Variants in TTLL10 observed in about 807,000 individuals in gnomAD.
The protein encoded by TTLL10 is tubulin tyrosine ligase like 10.
Under a neutral mutation model 69.0 loss-of-function variants are expected in TTLL10, and 61 were observed. That is an observed-to-expected ratio of 0.88 (90% CI 0.72 to 1.09). The LOEUF is 1.09. Ranked by LOEUF, TTLL10 falls within the 50% of genes least tolerant of loss-of-function variation. The pLI, the probability that TTLL10 is intolerant of heterozygous loss-of-function variation, is 0.00. For missense variants in TTLL10, 962 were observed against 945.9 expected (o/e 1.02, Z -0.22); for synonymous variants, 408 against 393.3 (o/e 1.04, Z -0.44).
At chr1:1,186,854 T>G (rs1647366569) in intron 13 of TTLL10, among the ~76,000 whole-genome samples, 1 of 151,210 alleles carries the variant, frequency 6.6e-6, no homozygotes, top group East Asian at 1.9e-4. Context: ...TTTTTTGTTT[T>G]TTTTTTTTTG....
At chr1:1,180,457 G>GCCCCCCCCCCC in intron 6 of TTLL10, 26 bp from the exon 7 acceptor site, 2 of 1,520,740 alleles carry the variant, frequency 1.3e-6, no homozygotes, top group Non-Finnish European at 1.8e-6. Context: ...CGGCCCCCAG[G>GCCCCCCCCCCC]TCACCCCCGC....
Position 1,180,292 on chromosome 1 carries a change from C to G in TTLL10, c.458C>G (p.Thr153Ser), listed in dbSNP as rs551760005. The G allele has an allele frequency of 4.4e-6, 7 of 1,590,928 alleles. No homozygotes were observed. In the East Asian group the frequency reaches 1.6e-4, roughly 36 times the overall value. The change falls in exon 6 of 16, where the codon ACC (threonine) becomes AGC (serine). Residue 153 changes from threonine to serine, a missense_variant. Coordinates refer to ENST00000379289, the MANE Select transcript of TTLL10 (RefSeq NM_001130045.2). ...LGGGKPSPHS[T>S]RPGPFFYIGG... The stretch of plus-strand genomic sequence containing the variant: ...GGTGGGAAGCCATCGCCCCACAGCA[C>G]CCGGCCGGGGCCCTTCTTCTACATT...
rs1648281242 is a variant in TTLL10, at chr1:1,197,176, C to T, written c.1602C>T (p.Ile534=). 1.3e-6 allele frequency: 2 copies of T among 1,550,066 alleles called. No homozygotes were observed. The highest frequency in any genetic ancestry group is 2.4e-5 in the East Asian group (1 of 40,910). The stretch of plus-strand genomic sequence containing the variant: ...AGGAGGTCATCCCAGGTGTGGTCAT[C>T]GAGACCCTGGGTGAGCCTCCAAGCC... ...VLKEVIPGVV[I]ETLDLVLETF... Residue 534 remains isoleucine (I), a synonymous_variant, in exon 15 of 16, where the codon ATC becomes ATT. Coordinates refer to ENST00000379289, the MANE Select transcript of TTLL10 (RefSeq NM_001130045.2).
rs1647057608 is a variant in TTLL10, at chr1:1,181,188, C to T, written c.755+328C>T. Among the ~76,000 whole-genome samples the T allele has an allele frequency of 6.6e-6, 1 of 151,766 alleles. No homozygotes were observed. The highest frequency in any genetic ancestry group is 1.5e-5 in the Non-Finnish European group (1 of 67,946). On this transcript the variant is annotated intron_variant, in intron 8 of 15. Coordinates refer to ENST00000379289, the MANE Select transcript of TTLL10 (RefSeq NM_001130045.2). This position sits in a 1 kb window ranked among gnomAD's most constrained non-coding sequence, Gnocchi z 4.6. ...GGGGAAGATCCCACACGTCCCCAACCCACTGGGCCTGACACCCACCCACCT... is the reference window on the plus strand; with the variant it reads ...GGGGAAGATCCCACACGTCCCCAACTCACTGGGCCTGACACCCACCCACCT...
Position 1,197,798 on chromosome 1 carries a change from CG to C in TTLL10, c.1977del (p.Thr660GlnfsTer?). 1 of 1,526,688 alleles carries C rather than the reference CG, an allele frequency of 6.6e-7. No individual in the cohort carries two copies. Among genetic ancestry groups the C allele is most frequent in the Non-Finnish European group, 8.8e-7 (1 of 1,138,258 alleles). 94.6% of individuals were successfully genotyped at this position (1,526,688 alleles called of 1,614,324 possible). A position where few individuals can be genotyped will look rare whatever the true frequency, so the allele number is the denominator to read the frequency against. Reference sequence around the variant, plus strand: ...AGGCACCCGGCGCAAGAGCCTTCCCCGGGGACAGCCAAGGAGGAACGCGAGG... The same window carrying C: ...AGGCACCCGGCGCAAGAGCCTTCCCCGGGACAGCCAAGGAGGAACGCGAGG... ...GNRHPAQEPS[P>X]GTAKEEREEP... On this transcript the variant is annotated frameshift_variant, in exon 16 of 16. Coordinates refer to ENST00000379289, the MANE Select transcript of TTLL10 (RefSeq NM_001130045.2). LOFTEE classifies it high-confidence loss of function.
At chr1:1,195,796 C>A (rs751449212) in intron 13 of TTLL10, among the ~76,000 whole-genome samples, 1 of 151,928 alleles carries the variant, frequency 6.6e-6, no homozygotes, top group African/African-American at 2.4e-5. Context: ...TACACCACCA[C>A]GCTTAGCTAA....
Position 1,197,849 on chromosome 1 carries a change from G to A in TTLL10, c.*2G>A. Reference sequence around the variant, plus strand: ...GAGCCTGAGAACGCGAGGCCCTAGGGGCAGCCACCCGCGCCCAGCGCCCCG... The same window carrying A: ...GAGCCTGAGAACGCGAGGCCCTAGGAGCAGCCACCCGCGCCCAGCGCCCCG... On this transcript the variant is annotated 3_prime_UTR_variant, in exon 16 of 16. Transcript: ENST00000379289. 1 of 1,466,290 alleles carries A rather than the reference G, an allele frequency of 6.8e-7. No homozygotes were observed. The highest frequency in any genetic ancestry group is 9.0e-7 in the Non-Finnish European group (1 of 1,107,516). The allele number at this position is 1,466,290 out of a possible 1,614,324, so 90.8% of individuals were successfully genotyped here. A position where few individuals can be genotyped will look rare whatever the true frequency, so the allele number is the denominator to read the frequency against.
chr1:1,189,164 T>A (rs1327731316), intron 13 of TTLL10, among the ~76,000 whole-genome samples: 2 of 152,268 alleles, frequency 1.3e-5, no homozygotes, highest in African/African-American at 4.8e-5. Flanking sequence ...TGCCGGCTAC[T>A]TCCAGAACAA....
intron 4 of TTLL10, 94 bp downstream of exon 4, chr1:1,179,427 A>C: frequency 7.5e-7 from 1 of 1,331,990 alleles, no homozygotes; most frequent in Non-Finnish European, 1.1e-6. Flanking sequence ...AGTCGGCCTC[A>C]TGGGGCAGGG....
At position 1,197,100 on chromosome 1, in the gene TTLL10, T is replaced by C. The variant is rs1275078869; in HGVS notation, c.1526T>C (p.Leu509Pro). The stretch of plus-strand genomic sequence containing the variant: ...GACTGGCGTCTGGGGCAGGTATGGC[T>C]GCTGGAGATGAATTCTAACCCAGCC... ...FLIDDNFKVW[L>P]LEMNSNPALH... The change falls in exon 15 of 16, where the codon CTG becomes CCG. Residue 509 changes from leucine to proline, a missense_variant. Coordinates refer to ENST00000379289, the MANE Select transcript of TTLL10 (RefSeq NM_001130045.2). The C allele has an allele frequency of 1.3e-6, 2 of 1,551,108 alleles. No homozygotes were observed. The highest frequency in any genetic ancestry group is 1.7e-6 in the Non-Finnish European group (2 of 1,146,784).
At position 1,181,662 on chromosome 1, in the gene TTLL10, C is replaced by A; in HGVS notation, c.756-79C>A. 7.4e-7 allele frequency: 1 copy of A among 1,349,556 alleles called. No homozygotes were observed. The highest frequency in any genetic ancestry group is 1.0e-6 in the Non-Finnish European group (1 of 977,990). The allele number at this position is 1,349,556 out of a possible 1,614,324, so 83.6% of individuals were successfully genotyped here. A position where few individuals can be genotyped will look rare whatever the true frequency, so the allele number is the denominator to read the frequency against. On this transcript the variant is annotated intron_variant, in intron 8 of 15. Transcript: ENST00000379289. The surrounding 1 kb of genome is among the most constrained non-coding windows in gnomAD (Gnocchi z 4.6). ...ACAGTCCGCCCACTCACCACCCATG[C>A]CCCATCCCCCAGTCCCCACCCGCTC...
rs778717464 is a variant in TTLL10, at chr1:1,179,318, C to T, written c.103C>T (p.Arg35Trp). 17 of 1,551,118 alleles carry T rather than the reference C, an allele frequency of 1.1e-5. No individual in the cohort carries two copies. Among genetic ancestry groups the T allele is most frequent in the Admixed American group, 5.9e-5 (3 of 50,976 alleles). ...GKRPRIQQRP[R>W]ARVSGTIPAS... is the part of the protein sequence containing the mutation. ...GAGGCCAAGGATCCAGCAGAGGCCT[C>T]GGGCTCGAGTCTCAGGTGAATAGAG... Residue 35 changes from arginine to tryptophan, a missense_variant, in exon 4 of 16, where the codon CGG becomes TGG. Physicochemically the swap from Arg to Trp is moderately radical, Grantham distance 101. Coordinates refer to ENST00000379289, the MANE Select transcript of TTLL10 (RefSeq NM_001130045.2).
chr1:1,185,192 A>G lies in TTLL10; in HGVS notation c.1401+83A>G, dbSNP rs1479231447. 5 of 1,564,602 alleles carry G rather than the reference A, an allele frequency of 3.2e-6. No homozygotes were observed. Among genetic ancestry groups the G allele is most frequent in the Non-Finnish European group, 4.3e-6 (5 of 1,154,008 alleles). ...GTCAGGCTGGGCACCAGGCACACAGATGTCCGTGGCGTGCGTGGGCGGCTG... is the reference window on the plus strand; with the variant it reads ...GTCAGGCTGGGCACCAGGCACACAGGTGTCCGTGGCGTGCGTGGGCGGCTG... On this transcript the variant is annotated intron_variant, in intron 13 of 15. Transcript: ENST00000379289. The surrounding 1 kb of genome is among the most constrained non-coding windows in gnomAD (Gnocchi z 6.1).
intron 13 of TTLL10, among the ~76,000 whole-genome samples, chr1:1,194,599 G>A (rs572064078): frequency 6.6e-6 from 1 of 152,140 alleles, no homozygotes; most frequent in Non-Finnish European, 1.5e-5. Flanking sequence ...AGAATTTTTG[G>A]TCAACAGTAT....
At chr1:1,177,862 C>A (rs1646923197) in intron 3 of TTLL10, among the ~76,000 whole-genome samples, 1 of 152,230 alleles carries the variant, frequency 6.6e-6, no homozygotes, top group African/African-American at 2.4e-5. Context: ...GGGGAGGGGT[C>A]TCAGGGCTCC....
Position 1,180,305 on chromosome 1 carries a change from C to T in TTLL10, c.471C>T (p.Pro157=). 9 of 1,586,078 alleles carry T rather than the reference C, an allele frequency of 5.7e-6. No homozygotes were observed. The highest frequency in any genetic ancestry group is 7.7e-6 in the Non-Finnish European group (9 of 1,167,208). Residue 157 remains proline (P), a synonymous_variant, in exon 6 of 16, where the codon CCC becomes CCT. Coordinates refer to ENST00000379289, the MANE Select transcript of TTLL10 (RefSeq NM_001130045.2). ...KPSPHSTRPG[P]FFYIGGSNGA... is the part of the protein sequence containing the mutation. ...CGCCCCACAGCACCCGGCCGGGGCC[C>T]TTCTTCTACATTGGAGGCAGCAACG... is the stretch of plus-strand genomic sequence containing the variant.
chr1:1,179,649 C>A lies in TTLL10; in HGVS notation c.119-8C>A. ...ATCATCATGGACATTGTGACCCCTG[C>A]CCTCCAGGGACCATCCCTGCGTCAC... On this transcript the variant is annotated splice_region_variant and splice_polypyrimidine_tract_variant and intron_variant, in intron 4 of 15. Transcript: ENST00000379289. The A allele has an allele frequency of 1.9e-6, 3 of 1,550,894 alleles. No homozygotes were observed. Among genetic ancestry groups the A allele is most frequent in the African/African-American group, 2.7e-5 (2 of 73,166 alleles).
intron 13 of TTLL10, 130 bp from the exon 14 acceptor site, chr1:1,196,470 G>A: frequency 1.5e-6 from 1 of 680,330 alleles, no homozygotes; most frequent in Admixed American, 2.1e-5. Flanking sequence ...CGAACGTGTG[G>A]GCAGGTGTGG....
Position 1,180,756 on chromosome 1 carries a change from C to A in TTLL10, c.651C>A (p.Pro217=). The A allele has an allele frequency of 6.2e-7, 1 of 1,608,562 alleles. No homozygotes were observed. The highest frequency in any genetic ancestry group is 1.3e-5 in the African/African-American group (1 of 74,752). ...REGEQLLYQL[P]NNKLLTTKIG... The stretch of plus-strand genomic sequence containing the variant: ...GAGAGCAGCTGCTGTACCAGCTTCC[C>A]AACAACAAGCTCCTCACCACCAAGA... Residue 217 remains proline, a synonymous_variant, in exon 8 of 16, where the codon CCC becomes CCA. Coordinates refer to ENST00000379289, the MANE Select transcript of TTLL10 (RefSeq NM_001130045.2).
Sources: gnomAD v4.1 joint callset for allele counts (sites outside exome capture counted in the v4.1 genomes callset) on GRCh38, gnomAD v4.1.1 for gene constraint, Gnocchi (gnomAD v3.1) non-coding constraint, MANE v1.5 for transcripts, NCBI Gene and HGNC (gene_info 2026-07-23, HGNC 2026-07-21) for gene names.